Variants in PPARGC1A observed in about 807,000 individuals in gnomAD.
PPARGC1A encodes peroxisome proliferator-activated receptor gamma coactivator 1-alpha.
In PPARGC1A, 25 loss-of-function variants were observed where a neutral mutation model predicts 88.7. The observed-to-expected ratio is 0.28, with a 90% confidence interval of 0.21 to 0.39. The LOEUF (loss-of-function observed/expected upper bound fraction) is 0.39, where lower values mean the gene tolerates loss of function less well. PPARGC1A is among the 10% of genes least tolerant of loss of function. The pLI is 1.00. For synonymous variants in PPARGC1A, 363 were observed against 355.6 expected (o/e 1.02, Z -0.24); for missense variants, 880 against 968.7 (o/e 0.91, Z 1.22).
the PPARGC1A span, among the ~76,000 whole-genome samples, chr4:23,985,859 T>C: frequency 7.2e-5 from 11 of 152,028 alleles, no homozygotes; most frequent in African/African-American, 2.7e-4. Context: ...AGTTTTTTAA[T>C]GAGAAAATTA....
intron 1 of PPARGC1A, among the ~76,000 whole-genome samples, chr4:23,887,241 T>C (rs1717073427): frequency 6.6e-6 from 1 of 152,212 alleles, no homozygotes; most frequent in Non-Finnish European, 1.5e-5. Flanking sequence ...TATGTTATGG[T>C]TGAGAAAAGT....
the PPARGC1A span, chr4:24,091,455 G>C: frequency 1.0e-6 from 1 of 985,354 alleles, no homozygotes; most frequent in Non-Finnish European, 1.2e-6. Context: ...GTGGAGCTGA[G>C]GACATCACTT....
chr4:23,946,852 A>T, the PPARGC1A span, among the ~76,000 whole-genome samples: 1 of 151,994 alleles, frequency 6.6e-6, no homozygotes, highest in East Asian at 1.9e-4. Flanking sequence ...ACATACATGT[A>T]TGTAACCATT....
At chr4:24,091,771 C>T in the PPARGC1A span, 11 of 342,650 alleles carry the variant, frequency 3.2e-5, no homozygotes, top group Admixed American at 6.5e-5. Flanking sequence ...AGCCATCAAG[C>T]GTCCAGAGAT....
the PPARGC1A span, among the ~76,000 whole-genome samples, chr4:24,296,897 C>T: frequency 6.6e-6 from 1 of 152,118 alleles, no homozygotes; most frequent in South Asian, 2.1e-4. Flanking sequence ...AGTATATCTC[C>T]TCCTATCTCA....
intron 2 of PPARGC1A, chr4:23,884,516 C>T (rs1382689889): frequency 4.1e-5 from 18 of 436,684 alleles, no homozygotes; most frequent in South Asian, 3.6e-4. Flanking sequence ...AACTCACTCA[C>T]AGTTGTTGAT....
the PPARGC1A span, among the ~76,000 whole-genome samples, chr4:24,229,185 G>A: frequency 7.5e-5 from 2 of 26,534 alleles, no homozygotes; most frequent in Non-Finnish European, 1.7e-4. Flanking sequence ...ATGGAGTCTT[G>A]TTCTGTCACC....
chr4:24,006,142 G>C, the PPARGC1A span, among the ~76,000 whole-genome samples: 1 of 152,012 alleles, frequency 6.6e-6, no homozygotes, highest in Non-Finnish European at 1.5e-5. Flanking sequence ...TCTACCTCCC[G>C]GGTTGAAGCA....
chr4:24,385,955 G>T, the PPARGC1A span, among the ~76,000 whole-genome samples: 1 of 151,996 alleles, frequency 6.6e-6, no homozygotes, highest in South Asian at 2.1e-4. Flanking sequence ...AAAATTTCAG[G>T]CCAATACCCC....
chr4:24,021,940 T>C, the PPARGC1A span, among the ~76,000 whole-genome samples: 3 of 152,286 alleles, frequency 2.0e-5, no homozygotes, highest in Non-Finnish European at 4.4e-5. Flanking sequence ...AAATAGATGA[T>C]GCAAGAGCTC....
the PPARGC1A span, among the ~76,000 whole-genome samples, chr4:24,315,538 G>C: frequency 6.6e-6 from 1 of 152,340 alleles, no homozygotes; most frequent in East Asian, 1.9e-4. Flanking sequence ...CACAAACCAA[G>C]TCTTCCCTGA....
the PPARGC1A span, among the ~76,000 whole-genome samples, chr4:24,000,619 G>T: frequency 1.3e-5 from 2 of 152,114 alleles, no homozygotes; most frequent in East Asian, 3.9e-4. Flanking sequence ...ATCACTGTGG[G>T]GGAGAATGTA....
chr4:23,933,096 A>G, the PPARGC1A span, among the ~76,000 whole-genome samples: 7 of 152,208 alleles, frequency 4.6e-5, no homozygotes, highest in Non-Finnish European at 7.3e-5. Flanking sequence ...CTTCTTCCCA[A>G]TTCTTCTGGT....
intron 7 of PPARGC1A, among the ~76,000 whole-genome samples, chr4:23,821,684 G>A (rs1331548975): frequency 6.6e-6 from 1 of 151,812 alleles, no homozygotes; most frequent in African/African-American, 2.4e-5. Flanking sequence ...TATAATAAGG[G>A]GGCACTCATA....
At chr4:24,468,085 C>T in the PPARGC1A span, among the ~76,000 whole-genome samples, 2 of 152,168 alleles carry the variant, frequency 1.3e-5, no homozygotes, top group African/African-American at 4.8e-5. Context: ...GATTCAATAT[C>T]ATACAGACCT....
chr4:24,121,958 C>T, the PPARGC1A span, among the ~76,000 whole-genome samples: 2 of 152,024 alleles, frequency 1.3e-5, no homozygotes, highest in Admixed American at 1.3e-4. Flanking sequence ...ATTCAAGACT[C>T]GAAGTGACTG....
At chr4:24,190,332 G>T in the PPARGC1A span, among the ~76,000 whole-genome samples, 1 of 152,086 alleles carries the variant, frequency 6.6e-6, no homozygotes, top group Non-Finnish European at 1.5e-5. Flanking sequence ...TGGCTAACAC[G>T]GTGAAACCCC....
At chr4:24,401,015 C>CTTTTTTTTTTTTTTT in the PPARGC1A span, among the ~76,000 whole-genome samples, 1 of 99,826 alleles carries the variant, frequency 1.0e-5, no homozygotes, top group Non-Finnish European at 1.8e-5. Flanking sequence ...CCTGAATTTT[C>CTTTTTTTTTTTTTTT]TTTTTTTTTT....
the PPARGC1A span, among the ~76,000 whole-genome samples, chr4:24,402,652 C>T: frequency 3.3e-5 from 5 of 152,296 alleles, no homozygotes; most frequent in Admixed American, 6.5e-5. Context: ...TGGAATAAAA[C>T]GGCAAATGTA....
Sources: gnomAD v4.1 joint callset for allele counts (sites outside exome capture counted in the v4.1 genomes callset) on GRCh38, gnomAD v4.1.1 for gene constraint, MANE v1.5 for transcripts, NCBI Gene and HGNC (gene_info 2026-07-23, HGNC 2026-07-21) for gene names.